TRPM3: variants seen among roughly 807,000 people sequenced by gnomAD.
TRPM3 encodes long transient receptor potential channel 3.
Under a neutral mutation model 181.2 loss-of-function variants are expected in TRPM3, and 77 were observed. The observed-to-expected ratio is 0.42, with a 90% CI of 0.35 to 0.51. The LOEUF (loss-of-function observed/expected upper bound fraction) is 0.51. Ranked by LOEUF, TRPM3 falls within the 20% of genes least tolerant of loss-of-function variation. TRPM3 has a pLI of 0.01. For missense variants in TRPM3, 1,759 were observed against 2,196.7 expected (o/e 0.80, Z 3.98); for synonymous variants, 745 against 796.4 (o/e 0.94, Z 1.09).
intron 1 of TRPM3, among the ~76,000 whole-genome samples, chr9:71,211,018 C>G (rs1051748397): frequency 2.0e-5 from 3 of 152,214 alleles, no homozygotes; most frequent in Non-Finnish European, 4.4e-5. Flanking sequence ...CTTGCAGGCC[C>G]TATTTCCAAA....
At chr9:70,991,323 C>A (rs960034591) in intron 1 of TRPM3, among the ~76,000 whole-genome samples, 3 of 152,190 alleles carry the variant, frequency 2.0e-5, no homozygotes, top group African/African-American at 7.2e-5. Flanking sequence ...GCAGTTGTGA[C>A]TTTGTCACCA....
chr9:71,109,796 T>C (rs2070641796), intron 1 of TRPM3, among the ~76,000 whole-genome samples: 1 of 152,142 alleles, frequency 6.6e-6, no homozygotes, highest in South Asian at 2.1e-4. Context: ...GTCCTTAATA[T>C]GTGGCTTAAC....
chr9:71,103,497 T>A (rs1228601630), intron 1 of TRPM3, among the ~76,000 whole-genome samples: 1 of 152,196 alleles, frequency 6.6e-6, no homozygotes, highest in Non-Finnish European at 1.5e-5. Context: ...ATTGGTAAAC[T>A]GTGTCATTGT....
rs1267766021 is a variant in TRPM3 at position 70,677,623 on chromosome 9, G to A, written c.1345+3883C>T. 2.0e-5 allele frequency among the ~76,000 whole-genome samples: 3 copies of A among 152,310 alleles called. No individual in the cohort carries two copies. In the East Asian group the frequency reaches 5.8e-4, roughly 29 times the overall value. ...TAGCATTCCATCAGACTCTTTCTGT[G>A]TAATCATATTTCTACAGAGCTGTTC... On this transcript the variant is annotated intron_variant, in intron 9 of 25. Coordinates refer to ENST00000677713, the MANE Select transcript of TRPM3 (RefSeq NM_001366145.2).
intron 1 of TRPM3, among the ~76,000 whole-genome samples, chr9:71,409,087 C>G (rs1402602527): frequency 6.6e-6 from 1 of 152,108 alleles, no homozygotes; most frequent in Non-Finnish European, 1.5e-5. Flanking sequence ...CAGGCATGCC[C>G]TATAAGAGCT....
chr9:71,031,382 C>T (rs1330586457), intron 1 of TRPM3, among the ~76,000 whole-genome samples: 4 of 152,132 alleles, frequency 2.6e-5, no homozygotes, highest in Non-Finnish European at 1.5e-5. Context: ...CCTCATAATT[C>T]TCACTAAACT....
intron 1 of TRPM3, among the ~76,000 whole-genome samples, chr9:70,979,657 C>T (rs2097343253): frequency 6.6e-6 from 1 of 152,200 alleles, no homozygotes; most frequent in African/African-American, 2.4e-5. Flanking sequence ...TTCACAACTG[C>T]AGCCACCCCC....
rs749516833 is a variant in TRPM3, at chr9:70,784,252, G to A, written c.1001C>T (p.Ala334Val). The change falls in exon 7 of 26, where the codon GCA (alanine) becomes GTA (valine). Residue 334 changes from alanine (A) to valine (V), a missense_variant. Ala to Val is a moderately conservative substitution (Grantham distance 64). Coordinates refer to ENST00000677713, the MANE Select transcript of TRPM3 (RefSeq NM_001366145.2). Reference sequence around the variant, plus strand: ...ATTGGGTCCTCCTTCCACTATGAGTGCCACCACAGGAACACCTTGACCGAT... The same window carrying A: ...ATTGGGTCCTCCTTCCACTATGAGTACCACCACAGGAACACCTTGACCGAT... ...TRIGQGVPVV[A>V]LIVEGGPNVI... is the part of the protein sequence containing the mutation. The A allele has an allele frequency of 6.2e-6, 10 of 1,611,596 alleles. No individual in the cohort carries two copies. In the South Asian group the frequency reaches 1.1e-4, roughly 18 times the overall value.
At chr9:70,758,903 T>C (rs1425887635) in intron 8 of TRPM3, among the ~76,000 whole-genome samples, 3 of 152,094 alleles carry the variant, frequency 2.0e-5, no homozygotes, top group African/African-American at 7.2e-5. Flanking sequence ...GGCAATACCA[T>C]TCAGGACATA....
At chr9:70,974,203 T>A (rs2097274928) in intron 1 of TRPM3, among the ~76,000 whole-genome samples, 1 of 151,998 alleles carries the variant, frequency 6.6e-6, no homozygotes, top group African/African-American at 2.4e-5. Flanking sequence ...CAGATATAAA[T>A]GAGAAAGGTA....
At chr9:71,224,268 C>T (rs13288509) in intron 1 of TRPM3, among the ~76,000 whole-genome samples, 1 of 152,244 alleles carries the variant, frequency 6.6e-6, no homozygotes, top group Non-Finnish European at 1.5e-5. Flanking sequence ...CCAGAGAATT[C>T]TTCCAGATCT....
chr9:71,268,785 G>A (rs1019988833), intron 1 of TRPM3, among the ~76,000 whole-genome samples: 1 of 152,096 alleles, frequency 6.6e-6, no homozygotes, highest in Admixed American at 6.6e-5. Context: ...GTGTGCCACT[G>A]CACTCCAGCC....
intron 1 of TRPM3, among the ~76,000 whole-genome samples, chr9:71,320,331 A>C (rs1401519065): frequency 3.3e-5 from 5 of 152,094 alleles, no homozygotes; most frequent in Admixed American, 3.3e-4. Flanking sequence ...AAAAAAAAAA[A>C]ACAAATGCTT....
intron 22 of TRPM3, among the ~76,000 whole-genome samples, chr9:70,582,176 CTGTGCGTGTGTGTG>C (rs1426550542): frequency 2.6e-5 from 2 of 77,926 alleles, no homozygotes; most frequent in Non-Finnish European, 5.3e-5. Context: ...CGCCTCCACC[CTGTGCGTGTGTGTG>C]TGTGTGTGTG....
At chr9:70,882,192 C>T (rs572879834) in intron 1 of TRPM3, among the ~76,000 whole-genome samples, 1 of 152,264 alleles carries the variant, frequency 6.6e-6, no homozygotes, top group East Asian at 1.9e-4. Context: ...AACACATTAA[C>T]TTAATCTCTG....
At chr9:70,917,417 TG>T in intron 1 of TRPM3, 2 of 829,218 alleles carry the variant, frequency 2.4e-6, no homozygotes, top group East Asian at 4.9e-5. Context: ...CACCTCCACC[TG>T]CTCAGAAATG....
intron 1 of TRPM3, among the ~76,000 whole-genome samples, chr9:71,344,770 T>A (rs762071502): frequency 6.6e-6 from 1 of 152,062 alleles, no homozygotes; most frequent in Non-Finnish European, 1.5e-5. Flanking sequence ...GCTCATCACA[T>A]AACACTACTA....
intron 1 of TRPM3, among the ~76,000 whole-genome samples, chr9:71,400,169 T>G (rs1259832038): frequency 6.6e-6 from 1 of 152,150 alleles, no homozygotes; most frequent in Non-Finnish European, 1.5e-5. Flanking sequence ...AGATTTTCAT[T>G]CATTCATTTT....
chr9:71,198,530 T>C (rs2078548681), intron 1 of TRPM3, among the ~76,000 whole-genome samples: 1 of 152,168 alleles, frequency 6.6e-6, no homozygotes, highest in South Asian at 2.1e-4. Flanking sequence ...CATTTCTTTG[T>C]ATCCTCTTTT....
Sources: gnomAD v4.1 joint callset for allele counts (sites outside exome capture counted in the v4.1 genomes callset) on GRCh38, gnomAD v4.1.1 for gene constraint, MANE v1.5 for transcripts, NCBI Gene and HGNC (gene_info 2026-07-23, HGNC 2026-07-21) for gene names.